The following PAG1 variants were observed in gnomAD, a reference collection of about 807,000 sequenced individuals.
PAG1 encodes the protein phosphoprotein associated with glycosphingolipid-enriched microdomains 1.
A neutral mutation model predicts 31.7 loss-of-function variants in PAG1; 23 were observed. That is an observed-to-expected ratio of 0.73 (90% CI 0.52 to 1.03). The LOEUF is 1.03. Among genes scored for constraint, PAG1 ranks in the 50% least tolerant of loss-of-function variants. PAG1 has a pLI of 0.00. For missense variants in PAG1, 473 were observed against 540.7 expected, an observed-to-expected ratio of 0.87 and a Z score of 1.24; for synonymous variants, 214 against 210.3, an observed-to-expected ratio of 1.02 and a Z score of -0.15.
At chr8:80,980,032 A>G (rs1035022663) in intron 8 of PAG1, among the ~76,000 whole-genome samples, 5 of 152,034 alleles carry the variant, frequency 3.3e-5, no homozygotes, top group African/African-American at 9.7e-5. Flanking sequence ...TCTGTCTCCC[A>G]GGCTGGAGCA....
intron 1 of PAG1, among the ~76,000 whole-genome samples, chr8:81,086,504 TGC>T (rs1296615115): frequency 2.6e-5 from 4 of 151,334 alleles, no homozygotes; most frequent in African/African-American, 9.8e-5. Flanking sequence ...TGTGTGTGTG[TGC>T]GCGCGCGTGT....
intron 8 of PAG1, among the ~76,000 whole-genome samples, chr8:80,978,992 T>C (rs73695055): frequency 0.027 from 4,091 of 152,296 alleles, 218 homozygotes; most frequent in African/African-American, 0.094. Flanking sequence ...TTCTGTTAAA[T>C]TGGGGTAATA....
chr8:81,052,468 A>C (rs777431674), intron 2 of PAG1, among the ~76,000 whole-genome samples: 17 of 152,306 alleles, frequency 1.1e-4, no homozygotes, highest in Non-Finnish European at 2.1e-4. Context: ...GCTATTTTGC[A>C]GACTGATGGT....
intron 3 of PAG1, among the ~76,000 whole-genome samples, chr8:81,028,643 C>G (rs1009039228): frequency 6.6e-6 from 1 of 152,196 alleles, no homozygotes; most frequent in Non-Finnish European, 1.5e-5. Context: ...TTATGACTTA[C>G]GTCTACAGTA....
intron 1 of PAG1, among the ~76,000 whole-genome samples, chr8:81,083,911 T>C (rs1302779319): frequency 6.6e-6 from 1 of 152,020 alleles, no homozygotes; most frequent in Non-Finnish European, 1.5e-5. Flanking sequence ...GGTGCATGCC[T>C]GTAATCCCAG....
chr8:80,998,414 C>T (rs990176783), intron 3 of PAG1, among the ~76,000 whole-genome samples: 1 of 152,132 alleles, frequency 6.6e-6, no homozygotes. Flanking sequence ...AGGCGTGAAC[C>T]ACCATGACCG....
In PAG1 at chr8:80,976,874, A is replaced by G; in HGVS notation, c.969T>C (p.Pro323=). Residue 323 remains proline, a synonymous_variant, in exon 9 of 9, where the codon CCT becomes CCC. Coordinates refer to ENST00000220597, the MANE Select transcript of PAG1 (RefSeq NM_018440.4). ...GCCCCGATTTATTCACTAACTGTCC[A>G]GGTTTATTTACTGATGAGTACATAG... is the stretch of plus-strand genomic sequence containing the variant. ...ISAMYSSVNK[P]GQLVNKSGQS... 6.2e-7 allele frequency: 1 copy of G among 1,613,458 alleles called. No individual in the cohort carries two copies. Among genetic ancestry groups the G allele is most frequent in the Non-Finnish European group, 8.5e-7 (1 of 1,179,550 alleles).
intron 1 of PAG1, among the ~76,000 whole-genome samples, chr8:81,105,443 A>T (rs1809679142): frequency 6.6e-6 from 1 of 152,220 alleles, no homozygotes; most frequent in South Asian, 2.1e-4. Flanking sequence ...TGTGAATTAG[A>T]GGCTCACAGC....
intron 1 of PAG1, among the ~76,000 whole-genome samples, chr8:81,082,405 C>T (rs1203262916): frequency 6.6e-6 from 1 of 151,990 alleles, no homozygotes; most frequent in East Asian, 1.9e-4. Context: ...GGCGGGGGAG[C>T]CATTATTTGG....
chr8:80,995,365 A>G (rs1378542654), intron 3 of PAG1, among the ~76,000 whole-genome samples: 2 of 152,256 alleles, frequency 1.3e-5, no homozygotes, highest in African/African-American at 4.8e-5. Flanking sequence ...GCGTACAGTA[A>G]TAACAAGTCA....
chr8:81,079,250 T>C (rs532538137), intron 1 of PAG1, among the ~76,000 whole-genome samples: 1 of 152,114 alleles, frequency 6.6e-6, no homozygotes, highest in East Asian at 1.9e-4. Context: ...TCTTCAGGAA[T>C]CACATGCCCA....
chr8:81,029,811 C>T (rs1394966050), intron 3 of PAG1, 185 bp downstream of exon 3: 2 of 152,180 alleles, frequency 1.3e-5, no homozygotes, highest in African/African-American at 4.8e-5. Context: ...CTCCTGGTAA[C>T]ACATTTAGAA....
intron 1 of PAG1, among the ~76,000 whole-genome samples, chr8:81,081,876 C>T (rs940651298): frequency 3.9e-5 from 6 of 152,170 alleles, no homozygotes; most frequent in Non-Finnish European, 8.8e-5. Flanking sequence ...AATAAGGTTG[C>T]TATAAGCATT....
At chr8:80,987,589 C>G (rs897628102) in intron 5 of PAG1, 123 bp from the exon 6 acceptor site, 2 of 663,012 alleles carry the variant, frequency 3.0e-6, no homozygotes, top group African/African-American at 1.8e-5. Context: ...AAAACAGAAT[C>G]TCCTATAATA....
At chr8:80,977,117 C>T (rs1807202208) in intron 8 of PAG1, among the ~76,000 whole-genome samples, 1 of 152,152 alleles carries the variant, frequency 6.6e-6, no homozygotes, top group Admixed American at 6.5e-5. Context: ...CAGTCATATT[C>T]CCTTAATTCC....
intron 1 of PAG1, among the ~76,000 whole-genome samples, chr8:81,088,633 C>CA (rs1419335710): frequency 1.3e-5 from 2 of 151,924 alleles, no homozygotes; most frequent in Non-Finnish European, 2.9e-5. Flanking sequence ...TACTAAGTCA[C>CA]AAAAAAAGAG....
At chr8:81,042,295 C>T (rs1247912088) in intron 2 of PAG1, among the ~76,000 whole-genome samples, 3 of 152,140 alleles carry the variant, frequency 2.0e-5, no homozygotes, top group Admixed American at 1.3e-4. Context: ...GAAGCATTAC[C>T]TCAAAGGGTC....
At chr8:81,053,712 AAGTC>A (rs578058806) in intron 2 of PAG1, among the ~76,000 whole-genome samples, 13 of 152,184 alleles carry the variant, frequency 8.5e-5, no homozygotes, top group Admixed American at 1.3e-4. Flanking sequence ...TGGGATAGGA[AAGTC>A]AGGAAGAGGA....
intron 5 of PAG1, among the ~76,000 whole-genome samples, chr8:80,988,909 G>A (rs1807480602): frequency 6.6e-6 from 1 of 152,206 alleles, no homozygotes; most frequent in African/African-American, 2.4e-5. Context: ...GCAAGTTGGT[G>A]TTCATGTATT....
Sources: gnomAD v4.1 joint callset for allele counts (sites outside exome capture counted in the v4.1 genomes callset) on GRCh38, gnomAD v4.1.1 for gene constraint, MANE v1.5 for transcripts, NCBI Gene and HGNC (gene_info 2026-07-23, HGNC 2026-07-21) for gene names.